SERPINB6: variants seen among roughly 807,000 people sequenced by gnomAD.
SERPINB6 encodes the protein serpin family B member 6.
A neutral mutation model predicts 26.1 loss-of-function variants in SERPINB6; 16 were observed. The observed-to-expected ratio is 0.61, with a 90% CI of 0.42 to 0.93. The LOEUF (loss-of-function observed/expected upper bound fraction) is 0.93, where lower values mean the gene tolerates loss of function less well. Ranked by LOEUF, SERPINB6 falls within the 40% of genes least tolerant of loss-of-function variation. The pLI, the probability that SERPINB6 is intolerant of heterozygous loss-of-function variation, is 0.00. For missense variants in SERPINB6, 420 were observed against 478.0 expected (o/e 0.88, Z 1.13); for synonymous variants, 174 against 176.6 (o/e 0.99, Z 0.11).
intron 1 of SERPINB6, chr6:2,966,367 T>C: frequency 3.0e-6 from 3 of 987,144 alleles, no homozygotes; most frequent in Non-Finnish European, 3.6e-6. Context: ...GGAATCTCTT[T>C]AAATTAGTTA....
chr6:2,963,575 G>GCTAA (rs1442551444), intron 1 of SERPINB6: 1 of 152,254 alleles, frequency 6.6e-6, no homozygotes, highest in Non-Finnish European at 1.5e-5. Context: ...AACAATTCAT[G>GCTAA]CTAATACTGA....
At chr6:2,969,120 A>C (rs1319042590) in intron 1 of SERPINB6, 1 of 1,030,312 alleles carries the variant, frequency 9.7e-7, no homozygotes. Context: ...GAAAGAAAAA[A>C]TAAATCCACA....
intron 1 of SERPINB6, chr6:2,970,775 G>A (rs1250427808): frequency 3.1e-5 from 37 of 1,200,202 alleles, no homozygotes; most frequent in Non-Finnish European, 3.7e-5. Context: ...CCAATTTGTA[G>A]TTAAAGTTTC....
chr6:2,969,950 C>G, intron 1 of SERPINB6: 1 of 733,036 alleles, frequency 1.4e-6, no homozygotes, highest in East Asian at 1.3e-4. Context: ...GCCTGGCCAG[C>G]ATGGTGAAAC....
intron 5 of SERPINB6, among the ~76,000 whole-genome samples, chr6:2,950,051 A>C (rs551887233): frequency 6.6e-6 from 1 of 152,106 alleles, no homozygotes; most frequent in Non-Finnish European, 1.5e-5. Flanking sequence ...CTCCCACCCC[A>C]AACACAGATT....
At chr6:2,949,492 C>G (rs1769531225) in intron 5 of SERPINB6, among the ~76,000 whole-genome samples, 1 of 152,348 alleles carries the variant, frequency 6.6e-6, no homozygotes, top group East Asian at 1.9e-4. Flanking sequence ...CTGCCCATCT[C>G]AGCTGAGGGC....
intron 1 of SERPINB6, chr6:2,970,528 A>G (rs1772042452): frequency 8.5e-7 from 1 of 1,180,630 alleles, no homozygotes; most frequent in African/African-American, 1.6e-5. Context: ...ATCAGATCTC[A>G]TCGCATCAGG....
At chr6:2,966,323 T>A in intron 1 of SERPINB6, 1 of 788,228 alleles carries the variant, frequency 1.3e-6, no homozygotes, top group Non-Finnish European at 1.5e-6. Flanking sequence ...AATTTGCTGA[T>A]GTTTTTTTTT....
At position 2,948,949 on chromosome 6, in the gene SERPINB6, T is replaced by C. The variant is rs1769445501; in HGVS notation, c.694A>G (p.Ile232Val). The C allele has an allele frequency of 6.2e-7, 1 of 1,614,140 alleles. No homozygotes were observed. The highest frequency in any genetic ancestry group is 8.5e-7 in the Non-Finnish European group (1 of 1,180,056). The stretch of plus-strand genomic sequence containing the variant: ...TCAGTGGTCTCGTCCGGAAGCATGA[T>C]GATCATATTCAGTTCCTTGCCAACA... Reference protein sequence around the residue: ...PYVGKELNMIIMLPDETTDLR... With the variant: ...PYVGKELNMIVMLPDETTDLR... Residue 232 changes from isoleucine (I) to valine (V), a missense_variant, in exon 6 of 7, where the codon ATC becomes GTC. Physicochemically the swap from Ile to Val is conservative, Grantham distance 29. Transcript: ENST00000380539. This position sits in a 1 kb window ranked among gnomAD's most constrained non-coding sequence, Gnocchi z 5.0.
rs781438732 is a variant in SERPINB6, at chr6:2,948,432, C to T, written c.997G>A (p.Ala333Thr). The stretch of plus-strand genomic sequence containing the variant: ...CGCATCATCATGATGGCAGCTGTGG[C>T]GGCTGCAGCCTCCGTGCCTTCCTCA... Reference protein sequence around the residue: ...VNEEGTEAAAATAAIMMMRCA... With the variant: ...VNEEGTEAAATTAAIMMMRCA... The change falls in exon 7 of 7, where the codon GCC (alanine) becomes ACC (threonine). Residue 333 changes from alanine to threonine, a missense_variant. Physicochemically the swap from Ala to Thr is moderately conservative, Grantham distance 58. Coordinates refer to ENST00000380539, the MANE Select transcript of SERPINB6 (RefSeq NM_004568.6). The surrounding 1 kb of genome is among the most constrained non-coding windows in gnomAD (Gnocchi z 5.0). 7.4e-6 allele frequency: 12 copies of T among 1,613,998 alleles called. No individual in the cohort carries two copies. The highest frequency in any genetic ancestry group is 1.3e-5 in the African/African-American group (1 of 74,916).
intron 3 of SERPINB6, 47 bp downstream of exon 3, chr6:2,955,477 C>T (rs1561678015): frequency 6.2e-7 from 1 of 1,613,542 alleles, no homozygotes; most frequent in Admixed American, 1.7e-5. Flanking sequence ...GCCCCCACTA[C>T]CTGGCCACCT....
intron 1 of SERPINB6, among the ~76,000 whole-genome samples, chr6:2,966,060 CTCTA>C (rs550141043): frequency 4.4e-4 from 67 of 152,304 alleles, no homozygotes; most frequent in African/African-American, 1.5e-3. Context: ...CGGAGTTTTC[CTCTA>C]TCTGAGTTGC....
chr6:2,949,243 C>A (rs1386541030), intron 5 of SERPINB6, among the ~76,000 whole-genome samples, 174 bp from the exon 6 acceptor site: 1 of 152,234 alleles, frequency 6.6e-6, no homozygotes, highest in Non-Finnish European at 1.5e-5. Context: ...CCTCCAGAAA[C>A]TGGGGTGCCC....
In SERPINB6 at chr6:2,953,120, G is replaced by A. The variant is rs768585396; in HGVS notation, c.497C>T (p.Ala166Val). 1.2e-6 allele frequency: 2 copies of A among 1,614,222 alleles called. No individual in the cohort carries two copies. Among genetic ancestry groups the A allele is most frequent in the Admixed American group, 3.3e-5 (2 of 60,026 alleles). The change falls in exon 5 of 7, where the codon GCT (alanine) becomes GTT (valine). Residue 166 changes from alanine to valine, a missense_variant. Physicochemically the swap from Ala to Val is moderately conservative, Grantham distance 64 (BLOSUM62 0). Transcript: ENST00000380539. Reference sequence around the variant, plus strand: ...ATCCCAGTTTCCTCTGAAATAGACAGCATTCACCAGAACCAGCCTTGTCAA... The same window carrying A: ...ATCCCAGTTTCCTCTGAAATAGACAACATTCACCAGAACCAGCCTTGTCAA... ...DPLTRLVLVNAVYFRGNWDEQ... is the reference protein window; with the variant it reads ...DPLTRLVLVNVVYFRGNWDEQ...
At position 2,970,236 on chromosome 6, in the gene SERPINB6, A is replaced by G. The variant is rs532672286; in HGVS notation, c.-11+1297T>C. 2.2e-5 allele frequency: 22 copies of G among 985,266 alleles called. No individual in the cohort carries two copies. In the East Asian group the frequency reaches 1.0e-3, roughly 46 times the overall value. 61.0% of individuals were successfully genotyped at this position (985,266 alleles called of 1,614,324 possible). Reference sequence around the variant, plus strand: ...GTTCTATTCATGCTAATTTCACTCTACTGTTACTGGTCCGTGTTAACTGTT... The same window carrying G: ...GTTCTATTCATGCTAATTTCACTCTGCTGTTACTGGTCCGTGTTAACTGTT... On this transcript the variant is annotated intron_variant, in intron 1 of 6. Transcript: ENST00000380539.
intron 1 of SERPINB6, chr6:2,969,091 G>A (rs1771895160): frequency 1.8e-6 from 2 of 1,088,628 alleles, no homozygotes; most frequent in South Asian, 4.5e-5. Context: ...AAAGATTGGA[G>A]AGATCCAAAT....
chr6:2,948,316 G>T lies in SERPINB6; in HGVS notation c.1113C>A (p.Gly371=). 1 of 1,613,820 alleles carries T rather than the reference G, an allele frequency of 6.2e-7. No individual in the cohort carries two copies. The highest frequency in any genetic ancestry group is 8.5e-7 in the Non-Finnish European group (1 of 1,179,998). The change falls in exon 7 of 7, where the codon GGC becomes GGA. Residue 371 remains glycine, a synonymous_variant. Coordinates refer to ENST00000380539, the MANE Select transcript of SERPINB6 (RefSeq NM_004568.6). This position sits in a 1 kb window ranked among gnomAD's most constrained non-coding sequence, Gnocchi z 5.0. The part of the protein sequence containing the change: ...HSKTNGILFC[G]RFSSP ...CCTGTCCTCACGGAGAGGAAAAGCG[G>T]CCGCAGAAGAGAATCCCGTTGGTCT...
At chr6:2,966,395 C>T (rs1258352072) in intron 1 of SERPINB6, 2 of 987,030 alleles carry the variant, frequency 2.0e-6, no homozygotes, top group Middle Eastern at 3.4e-4. Context: ...TCCAAACACA[C>T]TTACTTTATA....
In SERPINB6 at chr6:2,948,415, CATG is replaced by C; in HGVS notation, c.1011_1013del (p.Ile337del). 1 of 1,614,222 alleles carries C rather than the reference CATG, an allele frequency of 6.2e-7. No homozygotes were observed. The highest frequency in any genetic ancestry group is 1.1e-5 in the South Asian group (1 of 91,090). ...GGACGAATCTGGCACACCGCATCAT[CATG>C]ATGGCAGCTGTGGCGGCTGCAGCCT... On this transcript the variant is annotated inframe_deletion, in exon 7 of 7. Transcript: ENST00000380539. The surrounding 1 kb of genome is among the most constrained non-coding windows in gnomAD (Gnocchi z 5.0).
Sources: gnomAD v4.1 joint callset for allele counts (sites outside exome capture counted in the v4.1 genomes callset) on GRCh38, gnomAD v4.1.1 for gene constraint, Gnocchi (gnomAD v3.1) non-coding constraint, MANE v1.5 for transcripts, NCBI Gene and HGNC (gene_info 2026-07-23, HGNC 2026-07-21) for gene names.